The following PPEF1 variants were observed in gnomAD, a reference collection of about 807,000 sequenced individuals.
The protein encoded by PPEF1 is serine/threonine-protein phosphatase with EF-hands 1.
Under a neutral mutation model 53.3 loss-of-function variants are expected in PPEF1, and 12 were observed. The observed-to-expected ratio is 0.23, with a 90% CI of 0.14 to 0.36. PPEF1 has a LOEUF of 0.36. Ranked by LOEUF, PPEF1 falls within the 10% of genes least tolerant of loss-of-function variation. PPEF1 has a pLI of 1.00. For synonymous variants in PPEF1, 165 were observed against 176.7 expected, an observed-to-expected ratio of 0.93 and a Z score of 0.52; for missense variants, 334 against 490.4, an observed-to-expected ratio of 0.68 and a Z score of 3.01.
chrX:18,677,096 T>C (rs1241045318), intron 1 of PPEF1, among the ~76,000 whole-genome samples: 1 of 105,868 alleles, frequency 9.4e-6, no homozygotes, highest in African/African-American at 3.5e-5. Flanking sequence ...CGGAGTGCAG[T>C]GGCACGATCT....
chrX:18,742,090 G>T (rs2045185356), intron 3 of PPEF1, among the ~76,000 whole-genome samples: 1 of 111,013 alleles, frequency 9.0e-6, no homozygotes, highest in Non-Finnish European at 1.9e-5. Context: ...GAGCCACTGT[G>T]CCCAGTCCTG....
chrX:18,695,924 T>C (rs1295639722), intron 4 of PPEF1, among the ~76,000 whole-genome samples: 1 of 112,086 alleles, frequency 8.9e-6, no homozygotes, highest in Non-Finnish European at 1.9e-5. Flanking sequence ...CTGACTTTTA[T>C]GAATTTCTTC....
At chrX:18,805,748 C>A (rs1425029099) in intron 11 of PPEF1, among the ~76,000 whole-genome samples, 1 of 108,406 alleles carries the variant, frequency 9.2e-6, no homozygotes, top group Non-Finnish European at 1.9e-5. Flanking sequence ...GAGGCTGAGG[C>A]AGGAGAATTC....
chrX:18,700,919 C>T (rs1383956119), intron 6 of PPEF1, among the ~76,000 whole-genome samples: 3 of 112,384 alleles, frequency 2.7e-5, no homozygotes, highest in African/African-American at 9.7e-5. Flanking sequence ...AGTTCGTATG[C>T]GAACTGATCA....
intron 4 of PPEF1, among the ~76,000 whole-genome samples, chrX:18,692,620 C>T (rs988216522): frequency 1.8e-5 from 2 of 111,389 alleles, no homozygotes; most frequent in African/African-American, 6.5e-5. Flanking sequence ...TAATTCAGCC[C>T]TTACCATCTA....
chrX:18,826,816 GAAAAAAA>G (rs755408497), intron 15 of PPEF1, among the ~76,000 whole-genome samples: 1 of 94,582 alleles, frequency 1.1e-5, no homozygotes, highest in African/African-American at 3.8e-5. Context: ...TTTGAACACC[GAAAAAAA>G]AAAAAAATCA....
intron 5 of PPEF1, among the ~76,000 whole-genome samples, chrX:18,758,565 G>C (rs1261013079): frequency 3.6e-5 from 4 of 111,651 alleles, no homozygotes; most frequent in Admixed American, 1.9e-4. Flanking sequence ...CTCATCACAT[G>C]CCCTGACTCA....
intron 3 of PPEF1, among the ~76,000 whole-genome samples, chrX:18,741,539 T>C (rs1315327869): frequency 9.0e-6 from 1 of 111,458 alleles, no homozygotes; most frequent in Non-Finnish European, 1.9e-5. Flanking sequence ...ACAAATTATA[T>C]GACTCAGTAC....
chrX:18,739,910 C>A (rs2073657408), intron 3 of PPEF1, among the ~76,000 whole-genome samples: 1 of 112,568 alleles, frequency 8.9e-6, no homozygotes, highest in Middle Eastern at 4.6e-3. Flanking sequence ...GAGCGAGGCT[C>A]CGTGGGCGTG....
At chrX:18,801,478 C>T (rs1369845170) in intron 10 of PPEF1, among the ~76,000 whole-genome samples, 2 of 111,854 alleles carry the variant, frequency 1.8e-5, no homozygotes, top group Non-Finnish European at 3.8e-5. Context: ...CACATGCCTG[C>T]TTTTTCATGC....
rs754147900 is a variant in PPEF1, at chrX:18,793,306, T to C, written c.1065+4033T>C. On this transcript the variant is annotated intron_variant, in intron 10 of 15. Coordinates refer to ENST00000470157, the MANE Select transcript of PPEF1 (RefSeq NM_001377996.1). The stretch of plus-strand genomic sequence containing the variant: ...AAATATCCTTGTGATTTCTTTAACT[T>C]ATCTGTTATTTGGTAGTGTGTTGTT... Among the ~76,000 whole-genome samples, 15 of 111,314 alleles carry C rather than the reference T, an allele frequency of 1.3e-4. No homozygotes were observed. In the South Asian group the frequency reaches 5.3e-3, roughly 39 times the overall value.
intron 3 of PPEF1, among the ~76,000 whole-genome samples, chrX:18,738,508 A>G (rs1267877062): frequency 8.3e-5 from 9 of 108,393 alleles, no homozygotes; most frequent in Admixed American, 2.0e-4. Flanking sequence ...TTAGTCTGAT[A>G]GGCTTCCCTT....
At chrX:18,684,178 C>A (rs544886508) in intron 1 of PPEF1, among the ~76,000 whole-genome samples, 1 of 111,451 alleles carries the variant, frequency 9.0e-6, no homozygotes, top group South Asian at 3.7e-4. Flanking sequence ...TTGGGTAGTG[C>A]GGGAGCTTTT....
At chrX:18,788,132 C>T (rs919900700) in intron 9 of PPEF1, among the ~76,000 whole-genome samples, 10 of 110,069 alleles carry the variant, frequency 9.1e-5, no homozygotes, top group East Asian at 5.7e-4. Context: ...CTGGCTAACA[C>T]GGTGACACCC....
chrX:18,759,206 G>A (rs1461552271), intron 5 of PPEF1, among the ~76,000 whole-genome samples: 4 of 111,181 alleles, frequency 3.6e-5, no homozygotes, highest in Non-Finnish European at 5.6e-5. Flanking sequence ...TTGGTAGGGG[G>A]AAAAGACAAG....
chrX:18,717,067 CT>C (rs113154046), intron 1 of PPEF1, among the ~76,000 whole-genome samples: 3,579 of 88,946 alleles, frequency 0.04, 209 homozygotes, highest in African/African-American at 0.13. Flanking sequence ...TTCCTTTTTC[CT>C]TTTTTTTTTT....
chrX:18,699,801 T>A (rs1408856494), intron 5 of PPEF1, among the ~76,000 whole-genome samples: 1 of 112,234 alleles, frequency 8.9e-6, no homozygotes, highest in Non-Finnish European at 1.9e-5. Context: ...CACACCTTTC[T>A]AGAACCAAGG....
intron 12 of PPEF1, among the ~76,000 whole-genome samples, chrX:18,812,448 G>T (rs2046829973): frequency 1.8e-5 from 2 of 112,109 alleles, no homozygotes; most frequent in South Asian, 7.4e-4. Context: ...TCTTTTTAAA[G>T]ATTGTTTTGG....
intron 5 of PPEF1, among the ~76,000 whole-genome samples, chrX:18,761,254 A>G (rs2045657586): frequency 8.9e-6 from 1 of 112,063 alleles, no homozygotes; most frequent in Non-Finnish European, 1.9e-5. Context: ...TAGATAATTC[A>G]TGTAAAACCC....
Sources: allele counts gnomAD v4.1 joint callset (sites outside exome capture counted in the v4.1 genomes callset), GRCh38; gene constraint gnomAD v4.1.1; transcripts MANE v1.5; gene names NCBI Gene and HGNC (gene_info 2026-07-23, HGNC 2026-07-21).